CEP95: variants seen among roughly 807,000 people sequenced by gnomAD.
CEP95 encodes the protein centrosomal protein 95.
In CEP95, 98 loss-of-function variants were observed where a neutral mutation model predicts 111.2. That is an observed-to-expected ratio of 0.88 (90% confidence interval 0.75 to 1.04). CEP95 has a LOEUF of 1.04. CEP95 is among the 50% of genes least tolerant of loss of function. CEP95 has a pLI of 0.00. For synonymous variants in CEP95, 323 were observed against 327.1 expected, an observed-to-expected ratio of 0.99 and a Z score of 0.14; for missense variants, 1,027 against 977.2, an observed-to-expected ratio of 1.05 and a Z score of -0.68.
At chr17:64,531,777 A>G in intron 13 of CEP95, 113 bp from the exon 14 acceptor site, 1 of 758,360 alleles carries the variant, frequency 1.3e-6, no homozygotes, top group Non-Finnish European at 1.9e-6. Context: ...ACTGTTAGCT[A>G]AAAAACTAAA....
chr17:64,530,598 T>G (rs1555680071), intron 12 of CEP95, among the ~76,000 whole-genome samples: 1 of 150,906 alleles, frequency 6.6e-6, no homozygotes, highest in East Asian at 2.0e-4. Context: ...AACCTCCGTT[T>G]CCCGGGTTCA....
At chr17:64,524,836 T>C (rs1967667085) in intron 8 of CEP95, among the ~76,000 whole-genome samples, 1 of 151,228 alleles carries the variant, frequency 6.6e-6, no homozygotes, top group Admixed American at 6.6e-5. Flanking sequence ...CCAGGCGCGG[T>C]GGCAGGTGCC....
intron 8 of CEP95, 68 bp downstream of exon 8, chr17:64,522,963 T>G (rs1967479324): frequency 1.6e-6 from 2 of 1,265,454 alleles, no homozygotes; most frequent in Non-Finnish European, 2.2e-6. Context: ...TGTGTGTTGG[T>G]AATTGATTAG....
At chr17:64,526,367 C>T (rs896399469) in intron 10 of CEP95, among the ~76,000 whole-genome samples, 167 bp downstream of exon 10, 1 of 152,144 alleles carries the variant, frequency 6.6e-6, no homozygotes, top group Non-Finnish European at 1.5e-5. Flanking sequence ...GATCTCTCAG[C>T]GTTTCATGAT....
chr17:64,509,069 A>C (rs1486818086), intron 2 of CEP95, among the ~76,000 whole-genome samples: 3 of 152,162 alleles, frequency 2.0e-5, no homozygotes, highest in Non-Finnish European at 4.4e-5. Flanking sequence ...TCTTTTCTGT[A>C]AATGTACCTT....
chr17:64,534,470 C>T (rs558948737), intron 16 of CEP95, 115 bp from the exon 17 acceptor site: 10 of 931,176 alleles, frequency 1.1e-5, no homozygotes, highest in Middle Eastern at 4.6e-4. Context: ...ACTGGCCCCC[C>T]ACACGTGACA....
intron 17 of CEP95, chr17:64,535,605 G>A (rs912549394): frequency 1.3e-5 from 2 of 152,192 alleles, no homozygotes; most frequent in African/African-American, 4.8e-5. Flanking sequence ...GTTAGAGGAC[G>A]AGTGTTGGCA....
chr17:64,529,510 G>C, intron 12 of CEP95, 83 bp downstream of exon 12: 2 of 1,389,882 alleles, frequency 1.4e-6, no homozygotes, highest in South Asian at 2.6e-5. Context: ...ACATGCTGTT[G>C]ATTTAGGCTT....
chr17:64,520,083 C>T (rs558330944), intron 6 of CEP95, among the ~76,000 whole-genome samples: 6 of 152,074 alleles, frequency 3.9e-5, no homozygotes, highest in Admixed American at 6.6e-5. Flanking sequence ...GGCACAGAAA[C>T]GGAAGGACCA....
chr17:64,517,969 C>T (rs781922533), intron 5 of CEP95, among the ~76,000 whole-genome samples: 1 of 152,062 alleles, frequency 6.6e-6, no homozygotes, highest in Admixed American at 6.6e-5. Context: ...CTCTGCCTCC[C>T]GGTTTCGAGT....
intron 3 of CEP95, among the ~76,000 whole-genome samples, chr17:64,510,629 A>G (rs9909119): frequency 0.051 from 7,791 of 152,292 alleles, 315 homozygotes; most frequent in African/African-American, 0.12. Context: ...AGCTCACTGC[A>G]GCCTCAACCT....
At position 64,507,097 on chromosome 17, in the gene CEP95, C is replaced by A. The variant is rs782645348; in HGVS notation, c.-1C>A. ...GTCCGGCGGCGACCTGCCTCTGAAA[C>A]ATGGCAGGCTCGGATGCTGGTGAGT... On this transcript the variant is annotated 5_prime_UTR_variant, in exon 1 of 20. Coordinates refer to ENST00000556440, the MANE Select transcript of CEP95 (RefSeq NM_138363.3). 6.4e-7 allele frequency: 1 copy of A among 1,551,462 alleles called. No homozygotes were observed. The highest frequency in any genetic ancestry group is 1.4e-5 in the African/African-American group (1 of 73,182).
intron 4 of CEP95, among the ~76,000 whole-genome samples, chr17:64,516,424 C>T (rs2039148029): frequency 6.6e-6 from 1 of 152,176 alleles, no homozygotes; most frequent in Admixed American, 6.5e-5. Context: ...CTCAGACATC[C>T]TTTACAGATG....
In CEP95 at chr17:64,531,993, G is replaced by A; in HGVS notation, c.1643G>A (p.Gly548Asp). Residue 548 changes from glycine to aspartate, a missense_variant, in exon 14 of 20, where the codon GGC becomes GAC. Transcript: ENST00000556440. ...ACCACAACGCAGAGTCTAAGAGGTG[G>A]CCTCCCAAAGCCAAATAAAGCAGTT... ...RKTTTQSLRG[G>D]LPKPNKAVPM... The A allele has an allele frequency of 6.3e-7, 1 of 1,591,058 alleles. No homozygotes were observed. The highest frequency in any genetic ancestry group is 8.5e-7 in the Non-Finnish European group (1 of 1,173,886).
intron 17 of CEP95, 156 bp downstream of exon 17, chr17:64,534,893 A>AT (rs1313993380): frequency 3.8e-6 from 3 of 781,706 alleles, no homozygotes; most frequent in African/African-American, 1.7e-5. Context: ...GCCACACTTC[A>AT]TTTTCTTACT....
intron 5 of CEP95, among the ~76,000 whole-genome samples, chr17:64,518,411 A>T (rs1967042489): frequency 6.6e-6 from 1 of 152,222 alleles, no homozygotes; most frequent in Non-Finnish European, 1.5e-5. Context: ...TTTTCCAAAA[A>T]GGCCATGACT....
Position 64,516,823 on chromosome 17 carries a change from TG to T in CEP95, c.471del (p.Arg158GlyfsTer36). The T allele has an allele frequency of 6.3e-7, 1 of 1,583,554 alleles. No individual in the cohort carries two copies. The highest frequency in any genetic ancestry group is 8.7e-7 in the Non-Finnish European group (1 of 1,152,932). On this transcript the variant is annotated frameshift_variant, in exon 5 of 20. Transcript: ENST00000556440. LOFTEE classifies it high-confidence loss of function. ...AATCATCATGGAAAAGAGTTTCTTT[TG>T]GGAGGTAGCACTTAGTGTCTCTGAA... ...SKSSWKRVSF[G>X]RCSLSSEMLG...
At chr17:64,513,558 T>C (rs2038994442) in intron 3 of CEP95, among the ~76,000 whole-genome samples, 1 of 152,156 alleles carries the variant, frequency 6.6e-6, no homozygotes, top group African/African-American at 2.4e-5. Context: ...GAAGTGGATA[T>C]GGTAAGAGAT....
intron 1 of CEP95, chr17:64,508,263 T>C (rs2038684099): frequency 1.0e-6 from 1 of 985,850 alleles, no homozygotes; most frequent in African/African-American, 1.7e-5. Context: ...TCCTGTTTAC[T>C]TGTAAATATG....
Sources: gnomAD v4.1 joint callset for allele counts (sites outside exome capture counted in the v4.1 genomes callset) on GRCh38, gnomAD v4.1.1 for gene constraint, MANE v1.5 for transcripts, NCBI Gene and HGNC (gene_info 2026-07-23, HGNC 2026-07-21) for gene names.